The following MAP3K15 variants were observed in gnomAD, a reference collection of about 807,000 sequenced individuals.
The protein encoded by MAP3K15 is MAPK/ERK kinase kinase 15.
Under a neutral mutation model 99.5 loss-of-function variants are expected in MAP3K15, and 124 were observed. The ratio of observed to expected loss-of-function variants is 1.25; its 90% CI spans 1.08 to 1.45. The LOEUF is 1.45. Among genes scored for constraint, MAP3K15 ranks in the 40% most tolerant of loss-of-function variants. The probability of loss-of-function intolerance (pLI) is 0.00; values close to 1 mark genes in which losing one functional copy is unlikely to be tolerated. For missense variants in MAP3K15, 1,242 were observed against 1,079.7 expected (o/e 1.15, Z -2.11); for synonymous variants, 494 against 439.6 (o/e 1.12, Z -1.55).
intron 12 of MAP3K15, among the ~76,000 whole-genome samples, chrX:19,409,681 A>G (rs758695834): frequency 3.6e-5 from 4 of 111,985 alleles, no homozygotes; most frequent in Non-Finnish European, 7.5e-5. Context: ...AAAATGGCAC[A>G]AGTGAGTTTA....
chrX:19,467,410 G>C (rs913246118), intron 3 of MAP3K15, among the ~76,000 whole-genome samples: 3 of 110,935 alleles, frequency 2.7e-5, no homozygotes, highest in Non-Finnish European at 3.8e-5. Context: ...GTGTGGTCAA[G>C]ATGACCAGGG....
At chrX:19,376,295 C>T (rs1333737808) in intron 19 of MAP3K15, among the ~76,000 whole-genome samples, 4 of 110,806 alleles carry the variant, frequency 3.6e-5, no homozygotes, top group Admixed American at 9.6e-5. Context: ...AGGGAATCCC[C>T]GCCTTTGCCT....
chrX:19,453,263 G>A (rs1162919610), intron 6 of MAP3K15, among the ~76,000 whole-genome samples: 1 of 110,661 alleles, frequency 9.0e-6, no homozygotes, highest in Non-Finnish European at 1.9e-5. Flanking sequence ...CACTTTGGGA[G>A]GCTGAGGCGG....
At chrX:19,512,159 C>A (rs537653819) in intron 1 of MAP3K15, among the ~76,000 whole-genome samples, 2 of 110,665 alleles carry the variant, frequency 1.8e-5, no homozygotes, top group South Asian at 7.8e-4. Flanking sequence ...CACACACACA[C>A]CCCAGGGCCT....
intron 3 of MAP3K15, among the ~76,000 whole-genome samples, chrX:19,484,077 A>G (rs2064308550): frequency 8.9e-6 from 1 of 111,847 alleles, no homozygotes; most frequent in African/African-American, 3.2e-5. Flanking sequence ...TGCCAAATAT[A>G]GCAAAGAGAT....
At chrX:19,450,547 G>T (rs2064029521) in intron 6 of MAP3K15, among the ~76,000 whole-genome samples, 1 of 109,969 alleles carries the variant, frequency 9.1e-6, no homozygotes, top group Admixed American at 9.6e-5. Flanking sequence ...GTGTGAGAGA[G>T]AAATATACAC....
intron 18 of MAP3K15, among the ~76,000 whole-genome samples, chrX:19,382,326 C>T (rs1373079915): frequency 1.8e-5 from 2 of 109,629 alleles, no homozygotes; most frequent in Non-Finnish European, 3.8e-5. Context: ...TCCTGTGTCC[C>T]CCTCTGGAAG....
At chrX:19,478,892 G>C (rs374697331) in intron 3 of MAP3K15, among the ~76,000 whole-genome samples, 3 of 100,988 alleles carry the variant, frequency 3.0e-5, no homozygotes, top group Non-Finnish European at 6.0e-5. Flanking sequence ...AATTCCTTCT[G>C]CAAGTGTTGG....
intron 19 of MAP3K15, 40 bp from the exon 20 acceptor site, chrX:19,374,700 C>T (rs770641182): frequency 1.3e-5 from 15 of 1,142,811 alleles, no homozygotes; most frequent in Non-Finnish European, 1.8e-5. Context: ...TCAGTGAGGC[C>T]TTGGGTGAAT....
chrX:19,432,972 A>G (rs761386151), intron 6 of MAP3K15, among the ~76,000 whole-genome samples: 1 of 112,316 alleles, frequency 8.9e-6, no homozygotes, highest in South Asian at 3.7e-4. Flanking sequence ...TTGGCCTCCC[A>G]AAGTTCTGGG....
chrX:19,500,889 G>A (rs1355518894), intron 1 of MAP3K15, among the ~76,000 whole-genome samples: 3 of 112,093 alleles, frequency 2.7e-5, no homozygotes, highest in Non-Finnish European at 5.6e-5. Flanking sequence ...CAGTAAGGTA[G>A]CAGACCAGCC....
At chrX:19,436,154 C>CA (rs756368352) in intron 6 of MAP3K15, among the ~76,000 whole-genome samples, 4,916 of 52,187 alleles carry the variant, frequency 0.094, 342 homozygotes, top group African/African-American at 0.3. Context: ...AACGCCATGT[C>CA]AAAAAAAAAA....
At chrX:19,388,774 G>A (rs1485781137) in intron 18 of MAP3K15, among the ~76,000 whole-genome samples, 1 of 111,945 alleles carries the variant, frequency 8.9e-6, no homozygotes, top group Admixed American at 9.5e-5. Flanking sequence ...TTCCTGTCCC[G>A]AGTTCTCCCT....
chrX:19,445,852 CAGG>C (rs976477847), intron 6 of MAP3K15, among the ~76,000 whole-genome samples: 4 of 109,376 alleles, frequency 3.7e-5, no homozygotes, highest in Non-Finnish European at 7.6e-5. Context: ...GAGGCTGAAG[CAGG>C]AGAACTGCTC....
chrX:19,435,144 T>C (rs1378997671), intron 6 of MAP3K15, among the ~76,000 whole-genome samples: 1 of 112,143 alleles, frequency 8.9e-6, no homozygotes, highest in African/African-American at 3.2e-5. Context: ...GCACAACATT[T>C]CTACATCTGT....
intron 2 of MAP3K15, among the ~76,000 whole-genome samples, chrX:19,487,615 T>G (rs1053475912): frequency 8.9e-6 from 1 of 112,016 alleles, no homozygotes; most frequent in Non-Finnish European, 1.9e-5. Context: ...ACAAATGACT[T>G]ATTAAAATAC....
intron 1 of MAP3K15, among the ~76,000 whole-genome samples, chrX:19,494,656 T>C (rs1302523231): frequency 9.0e-6 from 1 of 111,334 alleles, no homozygotes; most frequent in African/African-American, 3.3e-5. Flanking sequence ...TACCATATAG[T>C]AATTCTGTGA....
intron 9 of MAP3K15, among the ~76,000 whole-genome samples, chrX:19,422,469 T>C (rs147775677): frequency 0.019 from 2,106 of 111,424 alleles, 64 homozygotes; most frequent in African/African-American, 0.065. Context: ...AAACCAAAAC[T>C]ACAATGAGAT....
intron 25 of MAP3K15, among the ~76,000 whole-genome samples, chrX:19,366,790 T>C (rs1038296014): frequency 1.8e-5 from 2 of 112,126 alleles, no homozygotes; most frequent in African/African-American, 6.5e-5. Flanking sequence ...ACAAGCACCT[T>C]ATGCAGGAAT....
Sources: gnomAD v4.1 joint callset for allele counts (sites outside exome capture counted in the v4.1 genomes callset) on GRCh38, gnomAD v4.1.1 for gene constraint, MANE v1.5 for transcripts, NCBI Gene and HGNC (gene_info 2026-07-23, HGNC 2026-07-21) for gene names.